The following MTUS1 variants were observed in gnomAD, a reference collection of about 807,000 sequenced individuals.
The protein encoded by MTUS1 is microtubule-associated tumor suppressor 1.
In MTUS1, 109 loss-of-function variants were observed where a neutral mutation model predicts 120.8. That is an observed-to-expected ratio of 0.90 (90% CI 0.77 to 1.06). MTUS1 has a LOEUF of 1.06. MTUS1 is among the 50% of genes least tolerant of loss of function. MTUS1 has a pLI of 0.00. For missense variants in MTUS1, 2,210 were observed against 1,486.3 expected (o/e 1.49, Z -8.01); for synonymous variants, 737 against 550.5 (o/e 1.34, Z -4.74).
rs958412337 is a variant in MTUS1 at position 17,713,204 on chromosome 8, G to C, written c.2623+10C>G. On this transcript the variant is annotated intron_variant, in intron 6 of 14. Coordinates refer to ENST00000693296, the MANE Select transcript of MTUS1 (RefSeq NM_001363059.2). ...TTCTTTTTATCGCCATCCATAAAGT[G>C]GTCACTCACCTGCATTAAGAGCTGT... 1.9e-6 allele frequency: 3 copies of C among 1,590,204 alleles called. No individual in the cohort carries two copies. The East Asian group carries it at 6.7e-5, about 36-fold the overall frequency.
chr8:17,759,469 T>G (rs1440192295), intron 1 of MTUS1, among the ~76,000 whole-genome samples: 1 of 151,136 alleles, frequency 6.6e-6, no homozygotes, highest in Non-Finnish European at 1.5e-5. Flanking sequence ...GGGTCCAGCT[T>G]TTCTCATTTA....
chr8:17,752,061 T>C (rs2048243058), intron 2 of MTUS1, among the ~76,000 whole-genome samples: 2 of 152,186 alleles, frequency 1.3e-5, no homozygotes, highest in African/African-American at 4.8e-5. Flanking sequence ...TTCAACCTGA[T>C]GATTCTATCC....
chr8:17,766,217 T>C (rs547076386), intron 1 of MTUS1, among the ~76,000 whole-genome samples: 1 of 152,194 alleles, frequency 6.6e-6, no homozygotes, highest in Non-Finnish European at 1.5e-5. Context: ...GTCTTATCAG[T>C]ATCCATGCAA....
chr8:17,695,599 A>G (rs926276736), intron 6 of MTUS1, among the ~76,000 whole-genome samples: 1 of 152,244 alleles, frequency 6.6e-6, no homozygotes, highest in African/African-American at 2.4e-5. Context: ...TTGGAAAGCT[A>G]TCTGCTTCAC....
chr8:17,695,650 A>G (rs1400322270), intron 6 of MTUS1, among the ~76,000 whole-genome samples: 1 of 152,236 alleles, frequency 6.6e-6, no homozygotes, highest in Non-Finnish European at 1.5e-5. Flanking sequence ...CTACTAGAGC[A>G]CTGGTTAAGT....
chr8:17,755,260 G>C lies in MTUS1; in HGVS notation c.548C>G (p.Ser183Cys). The C allele has an allele frequency of 6.2e-7, 1 of 1,614,110 alleles. No homozygotes were observed. The highest frequency in any genetic ancestry group is 2.2e-5 in the East Asian group (1 of 44,882). ...TGGCAGGCTTCCAGCAGTATGGAAG[G>C]ACTGACTCTTTCCGATGGCATGATG... ...ISHHAIGKSQ[S>C]FHTAGSLPPT... The change falls in exon 2 of 15, where the codon TCC becomes TGC. Residue 183 changes from serine to cysteine, a missense_variant. Physicochemically the swap from Ser to Cys is moderately radical, Grantham distance 112. Transcript: ENST00000693296.
chr8:17,801,477 C>G (rs1177341688), upstream of MTUS1: 1 of 151,890 alleles, frequency 6.6e-6, no homozygotes, highest in Non-Finnish European at 1.5e-5. Context: ...GCGCTGGACT[C>G]CGCTCGGGCG....
At chr8:17,694,942 G>A (rs1372157305) in intron 6 of MTUS1, among the ~76,000 whole-genome samples, 1 of 152,096 alleles carries the variant, frequency 6.6e-6, no homozygotes, top group Non-Finnish European at 1.5e-5. Flanking sequence ...GTGAGGTTAG[G>A]TGCACAGGGC....
chr8:17,645,657 T>A lies in MTUS1; in HGVS notation c.*269A>T. 2 of 339,106 alleles carry A rather than the reference T, an allele frequency of 5.9e-6. No homozygotes were observed. Among genetic ancestry groups the A allele is most frequent in the Non-Finnish European group, 5.3e-6 (1 of 189,376 alleles). 21.0% of individuals were successfully genotyped at this position (339,106 alleles called of 1,614,324 possible). A position where few individuals can be genotyped will look rare whatever the true frequency, so the allele number is the denominator to read the frequency against. ...AAGGCAATGAACAAGATGCTCTCGT[T>A]CTTTAAGTGCTTTGTGCAACAACGT... On this transcript the variant is annotated 3_prime_UTR_variant, in exon 15 of 15. Transcript: ENST00000693296.
At chr8:17,697,247 C>T (rs372758055) in intron 6 of MTUS1, 23 of 1,609,978 alleles carry the variant, frequency 1.4e-5, no homozygotes, top group South Asian at 1.3e-4. Context: ...GAGATCTATG[C>T]GAGACAGACC....
At chr8:17,716,124 G>A (rs1181124228) in intron 4 of MTUS1, among the ~76,000 whole-genome samples, 1 of 152,156 alleles carries the variant, frequency 6.6e-6, no homozygotes, top group African/African-American at 2.4e-5. Flanking sequence ...GGTTAGCCTG[G>A]CACAGTCCAA....
At chr8:17,756,558 C>G (rs1322087909) in intron 1 of MTUS1, among the ~76,000 whole-genome samples, 1 of 151,716 alleles carries the variant, frequency 6.6e-6, no homozygotes, top group Non-Finnish European at 1.5e-5. Context: ...AAAAAATTGT[C>G]GATTCTTAAA....
chr8:17,753,650 T>G, intron 2 of MTUS1, 67 bp downstream of exon 2: 2 of 1,069,384 alleles, frequency 1.9e-6, no homozygotes, highest in Non-Finnish European at 2.7e-6. Flanking sequence ...GATAACTAAA[T>G]GCTAACACAT....
At chr8:17,775,847 C>T (rs1222752227) in intron 1 of MTUS1, among the ~76,000 whole-genome samples, 1 of 152,194 alleles carries the variant, frequency 6.6e-6, no homozygotes, top group African/African-American at 2.4e-5. Flanking sequence ...ATAAAAGTGA[C>T]AAGACACACA....
At chr8:17,729,438 A>C (rs1692182994) in intron 3 of MTUS1, among the ~76,000 whole-genome samples, 1 of 152,156 alleles carries the variant, frequency 6.6e-6, no homozygotes, top group Non-Finnish European at 1.5e-5. Context: ...AGTATTATAC[A>C]AAATCCATAT....
At chr8:17,767,703 A>AAAAAAAAAAAAAACAAACAAACAAAC (rs2049650885) in intron 1 of MTUS1, among the ~76,000 whole-genome samples, 12 of 100,458 alleles carry the variant, frequency 1.2e-4, no homozygotes, top group South Asian at 5.8e-4. Context: ...TGTCTCTTAA[A>AAAAAAAAAAAAAACAAACAAACAAAC]AAAAAAAAAA....
chr8:17,680,833 T>A (rs2130730036), intron 7 of MTUS1, among the ~76,000 whole-genome samples: 1 of 152,286 alleles, frequency 6.6e-6, no homozygotes, highest in South Asian at 2.1e-4. Context: ...AGCAGACACA[T>A]GAAGGAAGGG....
rs766003000 is a variant in MTUS1 at position 17,760,268 on chromosome 8, T to TA, written c.-154-4308dup. 4.9e-4 allele frequency among the ~76,000 whole-genome samples: 74 copies of TA among 152,040 alleles called. 1 individual carries two copies. The highest frequency in any genetic ancestry group is 3.5e-3 in the South Asian group (17 of 4,812). The stretch of plus-strand genomic sequence containing the variant: ...ATTTCAAATTGGTGAGCAAAGAGAC[T>TA]AAAAAACCCACAAACATGTGTTCAT... On this transcript the variant is annotated intron_variant, in intron 1 of 14. Coordinates refer to ENST00000693296, the MANE Select transcript of MTUS1 (RefSeq NM_001363059.2).
intron 8 of MTUS1, among the ~76,000 whole-genome samples, chr8:17,658,912 AC>A (rs1451457482): frequency 6.6e-6 from 1 of 152,046 alleles, no homozygotes; most frequent in Admixed American, 6.6e-5. Context: ...GCCAAAGAGA[AC>A]CCTTAAAAAT....
Sources: gnomAD v4.1 joint callset for allele counts (sites outside exome capture counted in the v4.1 genomes callset) on GRCh38, gnomAD v4.1.1 for gene constraint, MANE v1.5 for transcripts, NCBI Gene and HGNC (gene_info 2026-07-23, HGNC 2026-07-21) for gene names.